The following AFF4 variants were observed in gnomAD, a reference collection of about 807,000 sequenced individuals.
The protein encoded by AFF4 is AF4/FMR2 family member 4.
In AFF4, 13 loss-of-function variants were observed where a neutral mutation model predicts 124.8. The ratio of observed to expected loss-of-function variants is 0.10; its 90% CI spans 0.07 to 0.17. AFF4 has a LOEUF of 0.17. AFF4 is among the 10% of genes least tolerant of loss of function. The pLI is 1.00. For synonymous variants in AFF4, 477 were observed against 496.1 expected (o/e 0.96, Z 0.51); for missense variants, 1,092 against 1,403.8 (o/e 0.78, Z 3.55).
chr5:132,901,056 C>T (rs1462869519), intron 7 of AFF4: 2 of 985,190 alleles, frequency 2.0e-6, no homozygotes, highest in Non-Finnish European at 2.4e-6. Context: ...AAGACTGGCC[C>T]AATTAAACAG....
rs558530999 is a variant in AFF4 at position 132,876,754 on chromosome 5, A to G, written c.*4305T>C. 4.0e-5 allele frequency: 8 copies of G among 197,808 alleles called. No homozygotes were observed. The South Asian group carries it at 1.5e-3, about 38-fold the overall frequency. The allele number at this position is 197,808 out of a possible 1,614,324, so 12.3% of individuals were successfully genotyped here. A position where few individuals can be genotyped will look rare whatever the true frequency, so the allele number is the denominator to read the frequency against. ...CTAATTAACCATAGGGTTCATGTGA[A>G]TAGGAGCTTTGTAAGACCAGCATCC... On this transcript the variant is annotated 3_prime_UTR_variant, in exon 21 of 21. Coordinates refer to ENST00000265343, the MANE Select transcript of AFF4 (RefSeq NM_014423.4).
chr5:132,909,120 CATCT>C (rs1277908850), intron 5 of AFF4, among the ~76,000 whole-genome samples: 12 of 137,652 alleles, frequency 8.7e-5, no homozygotes, highest in Non-Finnish European at 1.7e-4. Flanking sequence ...GTTAAAACAT[CATCT>C]TTTTTTTTTT....
intron 1 of AFF4, among the ~76,000 whole-genome samples, chr5:132,949,782 A>C (rs1362649672): frequency 2.0e-5 from 3 of 150,990 alleles, no homozygotes; most frequent in Non-Finnish European, 4.4e-5. Context: ...GAATGGCGCG[A>C]ACCCGGGAGG....
Position 132,893,015 on chromosome 5 carries a change from G to A in AFF4, c.2396+15C>T. 8 of 1,612,138 alleles carry A rather than the reference G, an allele frequency of 5.0e-6. No individual in the cohort carries two copies. Among genetic ancestry groups the A allele is most frequent in the Non-Finnish European group, 6.8e-6 (8 of 1,178,292 alleles). ...TATTAACAACACTGGCATGCAACAT[G>A]TTTTGGGAACGTACTCTCTGTTGCT... On this transcript the variant is annotated intron_variant, in intron 12 of 20. Transcript: ENST00000265343.
At chr5:132,936,184 G>A (rs1761424992) in intron 2 of AFF4, among the ~76,000 whole-genome samples, 1 of 143,406 alleles carries the variant, frequency 7.0e-6, no homozygotes, top group South Asian at 2.3e-4. Flanking sequence ...GGAGAATGGC[G>A]TGAACCCGGG....
At chr5:132,898,730 C>T (rs1760474236) in intron 9 of AFF4, among the ~76,000 whole-genome samples, 2 of 151,874 alleles carry the variant, frequency 1.3e-5, no homozygotes, top group African/African-American at 2.4e-5. Flanking sequence ...GTGATCCACC[C>T]GCCTCGGCCT....
chr5:132,962,043 A>G (rs1469222413), intron 1 of AFF4, among the ~76,000 whole-genome samples: 1 of 152,318 alleles, frequency 6.6e-6, no homozygotes, highest in East Asian at 1.9e-4. Context: ...CCACTTGCCA[A>G]CACTTCTTTA....
At chr5:132,948,421 G>A (rs1761751252) in intron 1 of AFF4, 1 of 152,152 alleles carries the variant, frequency 6.6e-6, no homozygotes, top group Admixed American at 6.6e-5. Flanking sequence ...AAATAACCTT[G>A]TCTTAATGGA....
At chr5:132,894,996 C>G (rs1489296610) in intron 11 of AFF4, among the ~76,000 whole-genome samples, 1 of 152,054 alleles carries the variant, frequency 6.6e-6, no homozygotes. Flanking sequence ...AAAAGTAATA[C>G]TTTTTAAGCA....
At chr5:132,928,760 C>T (rs1381372743) in intron 4 of AFF4, among the ~76,000 whole-genome samples, 2 of 152,120 alleles carry the variant, frequency 1.3e-5, no homozygotes, top group Admixed American at 6.5e-5. Flanking sequence ...AATCAGTCTA[C>T]GTCCTAGTTA....
chr5:132,901,277 A>C (rs1272502144), intron 7 of AFF4, among the ~76,000 whole-genome samples: 6 of 152,200 alleles, frequency 3.9e-5, no homozygotes, highest in Non-Finnish European at 7.3e-5. Flanking sequence ...CTCACAATCA[A>C]AGTGATAGGT....
At position 132,883,402 on chromosome 5, in the gene AFF4, G is replaced by T. The variant is rs1314451150; in HGVS notation, c.3302C>A (p.Ser1101Tyr). The change falls in exon 20 of 21, where the codon TCC becomes TAC. Residue 1101 changes from serine to tyrosine, a missense_variant. Physicochemically the swap from Ser to Tyr is moderately radical, Grantham distance 144. This residue lies in a region of AFF4 where 173 missense variants were observed against 294.9 expected (regional missense o/e 0.59). Coordinates refer to ENST00000265343, the MANE Select transcript of AFF4 (RefSeq NM_014423.4). ...QMAASYVQVT[S>Y]NFLYATEIWD... ...AATTTCGGTGGCATAGAGGAAGTTG[G>T]ATGTGACCTGAACATAGCTGGCTGC... The T allele has an allele frequency of 1.9e-6, 3 of 1,613,910 alleles. No homozygotes were observed. Among genetic ancestry groups the T allele is most frequent in the Non-Finnish European group, 2.5e-6 (3 of 1,180,016 alleles).
intron 20 of AFF4, 55 bp downstream of exon 20, chr5:132,883,285 T>C: frequency 6.5e-7 from 1 of 1,527,646 alleles, no homozygotes; most frequent in Admixed American, 1.7e-5. Context: ...AACTAAATTA[T>C]AAAAGTTCCT....
In AFF4 at chr5:132,880,858, A is replaced by T; in HGVS notation, c.*201T>A. The T allele has an allele frequency of 2.1e-6, 1 of 487,424 alleles. No homozygotes were observed. The allele number at this position is 487,424 out of a possible 1,614,324, so 30.2% of individuals were successfully genotyped here. A position where few individuals can be genotyped will look rare whatever the true frequency, so the allele number is the denominator to read the frequency against. Reference sequence around the variant, plus strand: ...ATGTGCTGCAGATTTAAAAGCATTTAAATAATCTTTCACATTGGAAATATT... The same window carrying T: ...ATGTGCTGCAGATTTAAAAGCATTTTAATAATCTTTCACATTGGAAATATT... On this transcript the variant is annotated 3_prime_UTR_variant, in exon 21 of 21. Coordinates refer to ENST00000265343, the MANE Select transcript of AFF4 (RefSeq NM_014423.4).
intron 5 of AFF4, among the ~76,000 whole-genome samples, chr5:132,920,344 C>A (rs1761013737): frequency 6.7e-6 from 1 of 148,790 alleles, no homozygotes; most frequent in Admixed American, 6.8e-5. Context: ...GCCACCAGCC[C>A]AGCGGGCAAA....
intron 1 of AFF4, among the ~76,000 whole-genome samples, chr5:132,959,535 T>C (rs1054700012): frequency 6.6e-6 from 1 of 152,120 alleles, no homozygotes; most frequent in African/African-American, 2.4e-5. Flanking sequence ...TACTCTGGAA[T>C]TGAATTTGGA....
At chr5:132,920,356 AT>A (rs71581351) in intron 5 of AFF4, among the ~76,000 whole-genome samples, 33,491 of 125,736 alleles carry the variant, frequency 0.27, 4,288 homozygotes, top group East Asian at 0.54. Flanking sequence ...GCGGGCAAAC[AT>A]TTTTTTTTTT....
At chr5:132,898,183 G>T (rs370099130) in intron 10 of AFF4, 47 bp downstream of exon 10, 10 of 1,602,384 alleles carry the variant, frequency 6.2e-6, no homozygotes, top group Non-Finnish European at 8.5e-6. Flanking sequence ...ACATCACCAA[G>T]GACCCTGAGA....
chr5:132,927,072 G>A, intron 5 of AFF4, 49 bp downstream of exon 5: 1 of 1,511,404 alleles, frequency 6.6e-7, no homozygotes, highest in Non-Finnish European at 9.1e-7. Flanking sequence ...TTTTAGTCAA[G>A]CCATTTAGAG....
Sources: gnomAD v4.1 joint callset for allele counts (sites outside exome capture counted in the v4.1 genomes callset) on GRCh38, gnomAD v4.1.1 for gene constraint, gnomAD v4.1.1 regional missense constraint, MANE v1.5 for transcripts, NCBI Gene and HGNC (gene_info 2026-07-23, HGNC 2026-07-21) for gene names.